The following PCDH7 variants were observed in gnomAD, a reference collection of about 807,000 sequenced individuals.
The protein encoded by PCDH7 is protocadherin-7.
In PCDH7, 17 loss-of-function variants were observed where a neutral mutation model predicts 58.9. The ratio of observed to expected loss-of-function variants is 0.29; its 90% CI spans 0.20 to 0.43. PCDH7 has a LOEUF of 0.43. Among genes scored for constraint, PCDH7 ranks in the 20% least tolerant of loss-of-function variants. The probability of loss-of-function intolerance (pLI) is 1.00; values close to 1 mark genes in which losing one functional copy is unlikely to be tolerated. For synonymous variants in PCDH7, 664 were observed against 616.4 expected, an observed-to-expected ratio of 1.08 and a Z score of -1.14; for missense variants, 1,274 against 1,441.0, an observed-to-expected ratio of 0.88 and a Z score of 1.88.
chr4:30,735,605 A>C (rs1716139735), downstream of PCDH7, among the ~76,000 whole-genome samples: 1 of 152,198 alleles, frequency 6.6e-6, no homozygotes, highest in Admixed American at 6.5e-5. Context: ...ACTCACAGAG[A>C]TCAATAGTCC....
At chr4:30,941,515 T>A (rs1746039212) in intron 2 of PCDH7, among the ~76,000 whole-genome samples, 1 of 151,990 alleles carries the variant, frequency 6.6e-6, no homozygotes. Flanking sequence ...GTTGTTTGAC[T>A]TGGCAAAGTT....
intron 3 of PCDH7, among the ~76,000 whole-genome samples, chr4:30,981,321 T>G (rs1750547947): frequency 6.6e-6 from 1 of 152,188 alleles, no homozygotes; most frequent in Non-Finnish European, 1.5e-5. Flanking sequence ...CCAGAAAGTG[T>G]TGTATCACTT....
At chr4:31,073,147 T>A (rs1395254117) in intron 3 of PCDH7, among the ~76,000 whole-genome samples, 1 of 152,104 alleles carries the variant, frequency 6.6e-6, no homozygotes, top group Non-Finnish European at 1.5e-5. Flanking sequence ...CAAACAGGTA[T>A]AAAAGGGCAT....
At chr4:31,005,645 A>G (rs1051817038) in intron 3 of PCDH7, among the ~76,000 whole-genome samples, 1 of 152,294 alleles carries the variant, frequency 6.6e-6, no homozygotes, top group South Asian at 2.1e-4. Context: ...TGAGAATCGG[A>G]TGAAAGATTT....
chr4:31,061,205 G>A (rs1178896582), intron 3 of PCDH7, among the ~76,000 whole-genome samples: 1 of 151,606 alleles, frequency 6.6e-6, no homozygotes, highest in East Asian at 1.9e-4. Flanking sequence ...CAAGTCTGTG[G>A]TTTGTATCAT....
At chr4:30,899,442 C>T (rs1324849513) in intron 1 of PCDH7, among the ~76,000 whole-genome samples, 1 of 152,142 alleles carries the variant, frequency 6.6e-6, no homozygotes, top group Non-Finnish European at 1.5e-5. Flanking sequence ...CTCCTTAAAG[C>T]TGTGCTACTA....
chr4:31,056,407 A>C (rs868129679), intron 3 of PCDH7, among the ~76,000 whole-genome samples: 1 of 146,350 alleles, frequency 6.8e-6, no homozygotes, highest in Admixed American at 6.8e-5. Context: ...AAAGGAAGAA[A>C]GAAAGAAGGA....
At chr4:30,847,625 CTT>C (rs942315707) in intron 1 of PCDH7, among the ~76,000 whole-genome samples, 1 of 151,868 alleles carries the variant, frequency 6.6e-6, no homozygotes, top group Non-Finnish European at 1.5e-5. Context: ...TTTAGTGAAA[CTT>C]TTTTTTAAAA....
rs147201521 is a variant in PCDH7, at chr4:30,996,198, C to G, written c.*7+45983C>G. ...CCCTTTTGATACTAATTTTCCTTAT[C>G]GTCTAACACATGCTGACTATCTCAC... On this transcript the variant is annotated intron_variant, in intron 3 of 3. Coordinates refer to the PCDH7 transcript ENST00000509759. Among the ~76,000 whole-genome samples, 284 of 152,200 alleles carry G rather than the reference C, an allele frequency of 1.9e-3. 1 individual carries two copies. Among genetic ancestry groups the G allele is most frequent in the African/African-American group, 6.5e-3 (269 of 41,514 alleles).
chr4:30,824,073 G>A (rs11946238), intron 1 of PCDH7, among the ~76,000 whole-genome samples: 1 of 147,586 alleles, frequency 6.8e-6, no homozygotes, highest in African/African-American at 2.5e-5. Context: ...ATTAAAGCGG[G>A]GTTTCTTTTC....
chr4:31,058,012 A>G (rs1757393894), intron 3 of PCDH7, among the ~76,000 whole-genome samples: 1 of 152,122 alleles, frequency 6.6e-6, no homozygotes, highest in Non-Finnish European at 1.5e-5. Flanking sequence ...AATTAAGTTG[A>G]AATGACCTTT....
chr4:30,896,914 TTTTTTTTTG>T (rs1739485062), intron 1 of PCDH7, among the ~76,000 whole-genome samples: 1 of 116,162 alleles, frequency 8.6e-6, no homozygotes, highest in Admixed American at 9.2e-5. Flanking sequence ...TTTTTTTTTT[TTTTTTTTTG>T]AGGTGGAGTC....
At chr4:31,084,562 C>T (rs527438490) in intron 3 of PCDH7, among the ~76,000 whole-genome samples, 7 of 150,288 alleles carry the variant, frequency 4.7e-5, no homozygotes, top group African/African-American at 7.4e-5. Context: ...CCTGCATCTG[C>T]TTCTAGTGAG....
chr4:31,008,659 C>T (rs1030782688), intron 3 of PCDH7, among the ~76,000 whole-genome samples: 1 of 152,098 alleles, frequency 6.6e-6, no homozygotes, highest in African/African-American at 2.4e-5. Context: ...AATGCAACCT[C>T]TTTGTCCTAT....
Position 31,059,557 on chromosome 4 carries a change from CA to C in PCDH7, c.*8-82912del, listed in dbSNP as rs201569046. ...ACTTCAGTGTTGTTTTATTTGCCCT[CA>C]AAATGATAACAAGTTAAACTGTTTG... On this transcript the variant is annotated intron_variant, in intron 3 of 3. Coordinates refer to the PCDH7 transcript ENST00000509759. Among the ~76,000 whole-genome samples the C allele has an allele frequency of 7.8e-3, 1,190 of 151,764 alleles. 36 individuals are homozygous for C. The highest frequency in any genetic ancestry group is 0.053 in the Admixed American group (808 of 15,214).
rs142840279 is a variant in PCDH7, at chr4:31,049,697, C to T, written c.*8-92776C>T. Among the ~76,000 whole-genome samples the T allele has an allele frequency of 3.0e-4, 45 of 152,078 alleles. 2 individuals are homozygous for T. Among genetic ancestry groups the T allele is most frequent in the African/African-American group, 9.6e-4 (40 of 41,520 alleles). On this transcript the variant is annotated intron_variant, in intron 3 of 3. Coordinates refer to the PCDH7 transcript ENST00000509759. ...GCCTTCATCAGGGCCCTGTTTGACT[C>T]TCTTCATCTCTTGATCTCTCTTTCC... is the stretch of plus-strand genomic sequence containing the variant.
At chr4:30,892,334 A>C (rs1385548419) in intron 1 of PCDH7, among the ~76,000 whole-genome samples, 1 of 152,084 alleles carries the variant, frequency 6.6e-6, no homozygotes, top group Non-Finnish European at 1.5e-5. Flanking sequence ...AGAATTTATA[A>C]TCTTTTGTTA....
rs569736864 is a variant in PCDH7 at position 30,754,102 on chromosome 4, A to T, written c.70+29506A>T. On this transcript the variant is annotated intron_variant, in intron 1 of 3. Coordinates refer to the PCDH7 transcript ENST00000509759. Reference sequence around the variant, plus strand: ...GGCGGTATGTGATAACTAAATTTTTATGAAGCAGGTAGCTTCTTCTTATCT... The same window carrying T: ...GGCGGTATGTGATAACTAAATTTTTTTGAAGCAGGTAGCTTCTTCTTATCT... Among the ~76,000 whole-genome samples the T allele has an allele frequency of 4.6e-5, 7 of 152,102 alleles. No homozygotes were observed. The South Asian group carries it at 1.5e-3, about 32-fold the overall frequency.
chr4:30,768,581 A>G (rs1017345182), intron 1 of PCDH7, among the ~76,000 whole-genome samples: 2 of 152,200 alleles, frequency 1.3e-5, no homozygotes, highest in African/African-American at 4.8e-5. Context: ...AAATATTGTA[A>G]CTTAGTGAAA....
Sources: gnomAD v4.1 joint callset for allele counts (sites outside exome capture counted in the v4.1 genomes callset) on GRCh38, gnomAD v4.1.1 for gene constraint, MANE v1.5 for transcripts, NCBI Gene and HGNC (gene_info 2026-07-23, HGNC 2026-07-21) for gene names.